NCKIPSD: variants seen among roughly 807,000 people sequenced by gnomAD.
NCKIPSD encodes the protein NCK interacting protein with SH3 domain, also known as NCK-interacting protein with SH3 domain.
NCKIPSD carries 48 observed loss-of-function variants against 73.4 expected under a neutral mutation model. The ratio of observed to expected loss-of-function variants is 0.65; its 90% CI spans 0.52 to 0.83. The LOEUF (loss-of-function observed/expected upper bound fraction) is 0.83. Ranked by LOEUF, NCKIPSD falls within the 40% of genes least tolerant of loss-of-function variation. NCKIPSD has a pLI of 0.00. For synonymous variants in NCKIPSD, 422 were observed against 403.6 expected (o/e 1.05, Z -0.54); for missense variants, 884 against 970.2 (o/e 0.91, Z 1.18).
At chr3:48,679,518 G>C in intron 8 of NCKIPSD, 57 bp downstream of exon 8, 1 of 1,607,748 alleles carries the variant, frequency 6.2e-7, no homozygotes, top group Middle Eastern at 1.7e-4. Flanking sequence ...CCAGCAGATG[G>C]CAGGAACACC....
At chr3:48,680,261 C>G in intron 5 of NCKIPSD, 32 bp from the exon 6 acceptor site, 1 of 1,564,374 alleles carries the variant, frequency 6.4e-7, no homozygotes, top group Non-Finnish European at 8.7e-7. Flanking sequence ...TGACTCAGCA[C>G]ACTCCCTGCC....
At chr3:48,679,492 AAGATGGCAGGAAACCCCAGC>A (rs752836468) in intron 8 of NCKIPSD, 35 bp from the exon 9 acceptor site, 19 of 1,606,794 alleles carry the variant, frequency 1.2e-5, no homozygotes, top group East Asian at 6.7e-5. Context: ...AGAGTCCCCA[AAGATGGCAGGAAACCCCAGC>A]AGATGGCAGG....
At chr3:48,675,528 G>GATATATATATATATATATGATAT in intron 12 of NCKIPSD, among the ~76,000 whole-genome samples, 1 of 122,296 alleles carries the variant, frequency 8.2e-6, no homozygotes, top group African/African-American at 3.2e-5. Flanking sequence ...ATATATATAT[G>GATATATATATATATATATGATAT]ATATATATAT....
At position 48,680,206 on chromosome 3, in the gene NCKIPSD, T is replaced by C. The variant is rs760413783; in HGVS notation, c.1116A>G (p.Ser372=). ...TCTGCTGGTCGTGGCAGACCTGCCC[T>C]GAGGGCAGGGCCATGCTGAGGTCCT... is the stretch of plus-strand genomic sequence containing the variant. ...EGKDLSMALP[S]GQVCHDQQRL... Residue 372 remains serine, a synonymous_variant, in exon 6 of 13, where the codon TCA becomes TCG. Transcript: ENST00000294129. The C allele has an allele frequency of 2.5e-6, 4 of 1,613,028 alleles. No homozygotes were observed. Among genetic ancestry groups the C allele is most frequent in the Non-Finnish European group, 2.5e-6 (3 of 1,179,638 alleles).
chr3:48,681,191 G>A (rs1295456836), intron 5 of NCKIPSD, 96 bp downstream of exon 5: 1 of 1,478,494 alleles, frequency 6.8e-7, no homozygotes, highest in African/African-American at 1.4e-5. Context: ...CAGAGCCAGA[G>A]CTTGAGAAAT....
intron 1 of NCKIPSD, 93 bp downstream of exon 1, chr3:48,685,544 C>A (rs1291311857): frequency 1.5e-5 from 21 of 1,402,406 alleles, no homozygotes; most frequent in Non-Finnish European, 1.9e-5. Flanking sequence ...CCTCGGGTCC[C>A]GGAGAGGGTG....
intron 12 of NCKIPSD, among the ~76,000 whole-genome samples, chr3:48,675,171 T>G (rs1169143452): frequency 6.6e-6 from 1 of 152,116 alleles, no homozygotes; most frequent in Admixed American, 6.5e-5. Flanking sequence ...AATATTCAAC[T>G]GCCCACTTGA....
chr3:48,682,956 G>A lies in NCKIPSD; in HGVS notation c.228C>T (p.Asn76=), dbSNP rs765296751. 1.5e-5 allele frequency: 23 copies of A among 1,552,750 alleles called. No homozygotes were observed. The highest frequency in any genetic ancestry group is 7.1e-5 in the South Asian group (6 of 84,128). ...AIDRAIEAVH[N]TAMRDGGKYS... ...ACTTGCCACCATCCCGCATGGCTGT[G>A]TTGTGTACAGCCTCGATGGCCCGGT... is the stretch of plus-strand genomic sequence containing the variant. The change falls in exon 2 of 13, where the codon AAC becomes AAT. Residue 76 remains asparagine, a synonymous_variant. Transcript: ENST00000294129.
intron 1 of NCKIPSD, 117 bp downstream of exon 1, chr3:48,685,520 G>A: frequency 1.5e-6 from 2 of 1,290,654 alleles, no homozygotes; most frequent in Non-Finnish European, 2.0e-6. Context: ...CTCCCTGTCT[G>A]ATAGAGGTCC....
At chr3:48,680,877 G>A (rs935621720) in intron 5 of NCKIPSD, among the ~76,000 whole-genome samples, 5 of 152,114 alleles carry the variant, frequency 3.3e-5, no homozygotes, top group Non-Finnish European at 5.9e-5. Context: ...TTACTGCCAA[G>A]GTCAGCAAGG....
chr3:48,679,552 C>T (rs961920738), intron 8 of NCKIPSD, 23 bp downstream of exon 8: 4 of 1,612,728 alleles, frequency 2.5e-6, no homozygotes, highest in Non-Finnish European at 3.4e-6. Context: ...GAAGTTCCCT[C>T]CTACCCCGCC....
intron 1 of NCKIPSD, among the ~76,000 whole-genome samples, chr3:48,683,597 T>C (rs1424745022): frequency 1.3e-5 from 2 of 152,122 alleles, no homozygotes; most frequent in Admixed American, 6.5e-5. Flanking sequence ...GATGTCTCAG[T>C]AAGCTTCCAA....
At position 48,674,127 on chromosome 3, in the gene NCKIPSD, AAAG is replaced by A. The variant is rs2077215297; in HGVS notation, c.*414_*416del. 1.8e-6 allele frequency: 2 copies of A among 1,120,292 alleles called. No homozygotes were observed. The highest frequency in any genetic ancestry group is 2.2e-6 in the Non-Finnish European group (2 of 911,838). 69.4% of individuals were successfully genotyped at this position (1,120,292 alleles called of 1,614,324 possible). ...GCAGCACTCACTGCAAAGCTAAGGC[AAAG>A]AATAGAGCTGGTGGGAGATGCCTCC... On this transcript the variant is annotated 3_prime_UTR_variant, in exon 13 of 13. Transcript: ENST00000294129.
chr3:48,680,357 C>A, intron 5 of NCKIPSD, 128 bp from the exon 6 acceptor site: 1 of 1,066,422 alleles, frequency 9.4e-7, no homozygotes, highest in South Asian at 1.8e-5. Context: ...CTGGCCCACA[C>A]TGGACAGGAG....
chr3:48,682,001 C>T lies in NCKIPSD; in HGVS notation c.598+44G>A, dbSNP rs769088527. On this transcript the variant is annotated intron_variant, in intron 4 of 12. Transcript: ENST00000294129. The stretch of plus-strand genomic sequence containing the variant: ...ACACAGGCAGCACAACCATTCCAAG[C>T]ATAGGGTGCCTCCACCTGAATTCCC... 6 of 1,571,642 alleles carry T rather than the reference C, an allele frequency of 3.8e-6. No individual in the cohort carries two copies. The African/African-American group carries it at 5.4e-5, about 14-fold the overall frequency.
chr3:48,682,947 C>T lies in NCKIPSD; in HGVS notation c.237G>A (p.Met79Ile). Reference protein sequence around the residue: ...RAIEAVHNTAMRDGGKYSLEQ... With the variant: ...RAIEAVHNTAIRDGGKYSLEQ... ...CCAGGCTGTACTTGCCACCATCCCG[C>T]ATGGCTGTGTTGTGTACAGCCTCGA... Residue 79 changes from methionine to isoleucine, a missense_variant, in exon 2 of 13, where the codon ATG (methionine) becomes ATA (isoleucine). Physicochemically the swap from Met to Ile is conservative, Grantham distance 10. Transcript: ENST00000294129. The T allele has an allele frequency of 4.5e-6, 7 of 1,553,348 alleles. No individual in the cohort carries two copies. The highest frequency in any genetic ancestry group is 4.4e-6 in the Non-Finnish European group (5 of 1,148,538).
chr3:48,674,648 G>A lies in NCKIPSD; in HGVS notation c.2065C>T (p.Arg689Cys), dbSNP rs752211581. ...RLPDLQAILR[R>C]ILNEEETSPQ... is the part of the protein sequence containing the mutation. ...GAGGTCTCCTCCTCATTCAGGATGCGTCGCAGTATGGCCTGCAGGTCGGGT... is the reference window on the plus strand; with the variant it reads ...GAGGTCTCCTCCTCATTCAGGATGCATCGCAGTATGGCCTGCAGGTCGGGT... Residue 689 changes from arginine (R) to cysteine (C), a missense_variant, in exon 13 of 13, where the codon CGC (arginine) becomes TGC (cysteine). By Grantham distance (180) the Arg-to-Cys change is radical. Transcript: ENST00000294129. 2.5e-6 allele frequency: 4 copies of A among 1,613,884 alleles called. No homozygotes were observed. The highest frequency in any genetic ancestry group is 3.4e-6 in the Non-Finnish European group (4 of 1,179,912).
rs1332554399 is a variant in NCKIPSD at position 48,685,661 on chromosome 3, C to A, written c.147G>T (p.Pro49=). The A allele has an allele frequency of 1.3e-6, 2 of 1,524,896 alleles. No individual in the cohort carries two copies. The highest frequency in any genetic ancestry group is 1.8e-6 in the Non-Finnish European group (2 of 1,142,174). The allele number at this position is 1,524,896 out of a possible 1,614,324, so 94.5% of individuals were successfully genotyped here. The change falls in exon 1 of 13, where the codon CCG becomes CCT. Residue 49 remains proline (P), a synonymous_variant. Transcript: ENST00000294129. ...CCTGCAGGCGGCGCAGGTAGGCTGG[C>A]GGCACGTAGCCCGTCTCACCACTGC... ...RARSGETGYV[P]PAYLRRLQGL...
At position 48,685,702 on chromosome 3, in the gene NCKIPSD, G is replaced by T; in HGVS notation, c.106C>A (p.Leu36Met). ...VLERSSAHWW[L>M]AARARSGETG... is the part of the protein sequence containing the mutation. ...TCACCACTGCGCGCCCGCGCGGCCA[G>T]CCACCAGTGCGCGCTGCTTCGCTCT... The change falls in exon 1 of 13, where the codon CTG (leucine) becomes ATG (methionine). Residue 36 changes from leucine to methionine, a missense_variant. Leu to Met is a conservative substitution (Grantham distance 15). Coordinates refer to ENST00000294129, the MANE Select transcript of NCKIPSD (RefSeq NM_016453.4). The T allele has an allele frequency of 6.6e-7, 1 of 1,526,410 alleles. No individual in the cohort carries two copies. The highest frequency in any genetic ancestry group is 8.7e-7 in the Non-Finnish European group (1 of 1,143,102). The allele number at this position is 1,526,410 out of a possible 1,614,324, so 94.6% of individuals were successfully genotyped here.
Sources: allele counts gnomAD v4.1 joint callset (sites outside exome capture counted in the v4.1 genomes callset), GRCh38; gene constraint gnomAD v4.1.1; transcripts MANE v1.5; gene names NCBI Gene and HGNC (gene_info 2026-07-23, HGNC 2026-07-21).